CSMD1: variants seen among roughly 807,000 people sequenced by gnomAD.
The protein encoded by CSMD1 is CUB and Sushi multiple domains 1.
A neutral mutation model predicts 417.5 loss-of-function variants in CSMD1; 213 were observed. The ratio of observed to expected loss-of-function variants is 0.51; its 90% CI spans 0.46 to 0.57. The LOEUF is 0.57. Among genes scored for constraint, CSMD1 ranks in the 20% least tolerant of loss-of-function variants. CSMD1 has a pLI of 0.00. For missense variants in CSMD1, 6,923 were observed against 4,529.7 expected (o/e 1.53, Z -15.17); for synonymous variants, 2,862 against 1,736.8 (o/e 1.65, Z -16.11).
intron 5 of CSMD1, among the ~76,000 whole-genome samples, chr8:3,972,498 C>G (rs996408690): frequency 6.6e-6 from 1 of 152,098 alleles, no homozygotes; most frequent in African/African-American, 2.4e-5. Flanking sequence ...TGAATTTTTG[C>G]CTCTGTCATT....
intron 3 of CSMD1, among the ~76,000 whole-genome samples, chr8:4,402,760 A>T (rs888364893): frequency 6.7e-6 from 1 of 149,482 alleles, no homozygotes; most frequent in Non-Finnish European, 1.5e-5. Flanking sequence ...ATCTGTACTG[A>T]ATGCCCTTGA....
intron 5 of CSMD1, among the ~76,000 whole-genome samples, chr8:3,875,876 A>T (rs148166194): frequency 7.6e-4 from 115 of 152,300 alleles, no homozygotes; most frequent in Non-Finnish European, 1.4e-3. Context: ...GTGTGTTCCA[A>T]ACTTGGTAGG....
At chr8:3,670,356 T>A (rs1563254650) in intron 7 of CSMD1, among the ~76,000 whole-genome samples, 1 of 151,882 alleles carries the variant, frequency 6.6e-6, no homozygotes. Flanking sequence ...GGACTCGGGC[T>A]GGCTCTCCTT....
chr8:3,600,465 A>T (rs1429773065), intron 8 of CSMD1, among the ~76,000 whole-genome samples: 1 of 152,228 alleles, frequency 6.6e-6, no homozygotes, highest in Non-Finnish European at 1.5e-5. Flanking sequence ...CAAGTGTATC[A>T]GAATCATTCA....
intron 1 of CSMD1, among the ~76,000 whole-genome samples, chr8:4,641,179 T>C (rs966789371): frequency 2.0e-5 from 3 of 151,662 alleles, no homozygotes; most frequent in South Asian, 2.1e-4. Context: ...ACATGCAACA[T>C]TGTGCATACA....
intron 40 of CSMD1, among the ~76,000 whole-genome samples, chr8:3,149,416 T>C (rs1406019262): frequency 2.6e-5 from 4 of 152,350 alleles, no homozygotes; most frequent in Non-Finnish European, 5.9e-5. Flanking sequence ...TTTTTTGTTG[T>C]TGTTGTTGTT....
chr8:3,956,494 G>T (rs183987087), intron 5 of CSMD1, among the ~76,000 whole-genome samples: 11 of 152,278 alleles, frequency 7.2e-5, no homozygotes, highest in African/African-American at 2.6e-4. Flanking sequence ...TAAAGAGATT[G>T]TAGGAAAAAT....
chr8:3,891,469 C>A (rs868701894), intron 5 of CSMD1, among the ~76,000 whole-genome samples: 3 of 152,074 alleles, frequency 2.0e-5, no homozygotes, highest in Non-Finnish European at 4.4e-5. Flanking sequence ...TTCCTGTATA[C>A]AGGAGTTTGA....
Position 4,966,227 on chromosome 8 carries a change from A to AAAG in CSMD1, c.85+28104_85+28105insCTT, listed in dbSNP as rs1554534348. 2.7e-3 allele frequency among the ~76,000 whole-genome samples: 409 copies of AAAG among 150,772 alleles called. 1 individual carries two copies. The highest frequency in any genetic ancestry group is 9.7e-3 in the African/African-American group (396 of 40,932). On this transcript the variant is annotated intron_variant, in intron 1 of 69. Transcript: ENST00000635120. ...AAATATACAAAAAAAAAAAAAAAAA[A>AAAG]AATTAGCTGGGTATGGTGGCACATG...
chr8:4,917,445 T>C (rs1255603406), intron 1 of CSMD1, among the ~76,000 whole-genome samples: 2 of 151,998 alleles, frequency 1.3e-5, no homozygotes, highest in Non-Finnish European at 2.9e-5. Context: ...CCACCCTGGC[T>C]AACACGGTGA....
Position 4,003,763 on chromosome 8 carries a change from C to T in CSMD1, c.611-5653G>A, listed in dbSNP as rs77803856. On this transcript the variant is annotated intron_variant, in intron 4 of 69. Coordinates refer to ENST00000635120, the MANE Select transcript of CSMD1 (RefSeq NM_033225.6). ...GTGACACTGAGAGGGCTCATATACG[C>T]CGGCAAATTACTCAACTTAGGGTCT... is the stretch of plus-strand genomic sequence containing the variant. Among the ~76,000 whole-genome samples the T allele has an allele frequency of 7.7e-3, 1,170 of 152,250 alleles. 58 individuals carry two copies. The East Asian group carries it at 0.13, about 17-fold the overall frequency.
At chr8:4,316,738 A>G (rs1017171774) in intron 3 of CSMD1, among the ~76,000 whole-genome samples, 2 of 152,148 alleles carry the variant, frequency 1.3e-5, no homozygotes, top group Non-Finnish European at 2.9e-5. Context: ...CGATAGTTAA[A>G]TAAGAAAGTG....
chr8:3,020,993 T>C (rs971828944), intron 51 of CSMD1, among the ~76,000 whole-genome samples: 3 of 152,252 alleles, frequency 2.0e-5, no homozygotes, highest in Non-Finnish European at 4.4e-5. Context: ...CAGGGTGAAC[T>C]TGTCCTTCAA....
intron 25 of CSMD1, among the ~76,000 whole-genome samples, chr8:3,291,169 T>C (rs1397978982): frequency 6.6e-6 from 1 of 152,222 alleles, no homozygotes; most frequent in South Asian, 2.1e-4. Flanking sequence ...ATCCCAGGGA[T>C]GAAACCCACT....
chr8:3,390,558 T>C (rs974004902), intron 17 of CSMD1, among the ~76,000 whole-genome samples: 1 of 152,046 alleles, frequency 6.6e-6, no homozygotes, highest in Admixed American at 6.6e-5. Flanking sequence ...CACCGGACTT[T>C]GTTGAAACGA....
chr8:4,914,471 G>A (rs558629539), intron 1 of CSMD1, among the ~76,000 whole-genome samples: 20 of 151,810 alleles, frequency 1.3e-4, no homozygotes, highest in Admixed American at 1.0e-3. Context: ...CCAGCTACTC[G>A]GGAGGCTGAG....
At chr8:4,154,638 A>G (rs576610709) in intron 3 of CSMD1, among the ~76,000 whole-genome samples, 1 of 152,346 alleles carries the variant, frequency 6.6e-6, no homozygotes, top group South Asian at 2.1e-4. Context: ...AAAAGTTTTA[A>G]AAAAGGAATT....
intron 1 of CSMD1, among the ~76,000 whole-genome samples, chr8:4,680,960 G>A (rs565649893): frequency 8.7e-6 from 1 of 114,578 alleles, no homozygotes; most frequent in South Asian, 2.9e-4. Flanking sequence ...ATGTGTGTGT[G>A]TGTGTGTGTG....
intron 25 of CSMD1, among the ~76,000 whole-genome samples, chr8:3,302,731 A>T (rs1028502245): frequency 4.6e-5 from 7 of 152,214 alleles, no homozygotes; most frequent in Non-Finnish European, 1.0e-4. Context: ...CGTTATCCAT[A>T]TAGTGATGTA....
Sources: allele counts gnomAD v4.1 joint callset (sites outside exome capture counted in the v4.1 genomes callset), GRCh38; gene constraint gnomAD v4.1.1; transcripts MANE v1.5; gene names NCBI Gene and HGNC (gene_info 2026-07-23, HGNC 2026-07-21).